Variants in ADGRL2 observed in about 807,000 individuals in gnomAD.
ADGRL2 encodes adhesion G protein-coupled receptor L2, also known as calcium-independent alpha-latrotoxin receptor 2.
In ADGRL2, 44 loss-of-function variants were observed where a neutral mutation model predicts 157.4. The observed-to-expected ratio is 0.28, with a 90% CI of 0.22 to 0.36. The LOEUF (loss-of-function observed/expected upper bound fraction) is 0.36. Ranked by LOEUF, ADGRL2 falls within the 10% of genes least tolerant of loss-of-function variation. ADGRL2 has a pLI of 1.00. For synonymous variants in ADGRL2, 585 were observed against 624.7 expected (o/e 0.94, Z 0.95); for missense variants, 1,510 against 1,768.9 (o/e 0.85, Z 2.63).
intron 3 of ADGRL2, among the ~76,000 whole-genome samples, chr1:81,686,100 T>G (rs1429783284): frequency 6.6e-6 from 1 of 152,226 alleles, no homozygotes; most frequent in Non-Finnish European, 1.5e-5. Context: ...TAGTTTTCTT[T>G]TTTGGTTGTG....
chr1:81,409,059 A>G (rs889198406), intron 1 of ADGRL2, among the ~76,000 whole-genome samples: 1 of 152,184 alleles, frequency 6.6e-6, no homozygotes, highest in Admixed American at 6.5e-5. Flanking sequence ...CTTGTGTTAA[A>G]ATATAGCACA....
chr1:81,645,849 A>G (rs1181437915), intron 3 of ADGRL2, among the ~76,000 whole-genome samples: 2 of 152,050 alleles, frequency 1.3e-5, no homozygotes, highest in Non-Finnish European at 2.9e-5. Context: ...CTTTGGTCAT[A>G]TGTATGACTC....
intron 2 of ADGRL2, among the ~76,000 whole-genome samples, chr1:81,466,586 A>C (rs529536786): frequency 7.2e-5 from 11 of 152,292 alleles, no homozygotes; most frequent in Admixed American, 2.6e-4. Flanking sequence ...CTCAAACTAA[A>C]CCTAGCAACT....
At chr1:81,425,483 T>C (rs1429548460) in intron 1 of ADGRL2, among the ~76,000 whole-genome samples, 1 of 152,128 alleles carries the variant, frequency 6.6e-6, no homozygotes, top group African/African-American at 2.4e-5. Flanking sequence ...GGAAAAAATA[T>C]GTACCAAAAT....
chr1:81,421,673 AC>A (rs966038900), intron 1 of ADGRL2, among the ~76,000 whole-genome samples: 4 of 151,186 alleles, frequency 2.6e-5, no homozygotes, highest in African/African-American at 4.9e-5. Context: ...ACTGAAGGTA[AC>A]CACACAACAT....
intron 2 of ADGRL2, among the ~76,000 whole-genome samples, chr1:81,455,863 CAT>C (rs1406805662): frequency 1.3e-5 from 2 of 152,090 alleles, no homozygotes; most frequent in Admixed American, 6.5e-5. Flanking sequence ...AGGATGAGGT[CAT>C]AGTGAAATAT....
chr1:81,377,935 C>T (rs187756081), intron 1 of ADGRL2, among the ~76,000 whole-genome samples: 95 of 152,248 alleles, frequency 6.2e-4, no homozygotes, highest in African/African-American at 2.2e-3. Flanking sequence ...AATCCCAACA[C>T]TTTGGGAGGC....
intron 3 of ADGRL2, among the ~76,000 whole-genome samples, chr1:81,691,714 G>T (rs2083337971): frequency 6.6e-6 from 1 of 151,690 alleles, no homozygotes; most frequent in African/African-American, 2.4e-5. Context: ...GGTCAGGCTG[G>T]TCTTGAGCTC....
chr1:81,598,306 A>C (rs1400253230), intron 3 of ADGRL2, among the ~76,000 whole-genome samples: 1 of 152,202 alleles, frequency 6.6e-6, no homozygotes, highest in Admixed American at 6.5e-5. Flanking sequence ...GTTTGGGTAG[A>C]TTCCTGGATA....
At chr1:81,752,263 T>C (rs948619926) in intron 1 of ADGRL2, among the ~76,000 whole-genome samples, 2 of 152,186 alleles carry the variant, frequency 1.3e-5, no homozygotes, top group Non-Finnish European at 2.9e-5. Flanking sequence ...GTGCAGGCAA[T>C]TGATCTTGGA....
At chr1:81,503,301 C>T (rs2078895961) in intron 2 of ADGRL2, 3 of 1,614,204 alleles carry the variant, frequency 1.9e-6, no homozygotes, top group South Asian at 2.2e-5. Context: ...GCACCACCTA[C>T]GCAGGTGTGC....
chr1:81,843,352 C>T (rs2092671854), intron 2 of ADGRL2, among the ~76,000 whole-genome samples: 2 of 152,122 alleles, frequency 1.3e-5, no homozygotes, highest in Admixed American at 6.6e-5. Flanking sequence ...AGGCTGGTCT[C>T]AAACTCCTGA....
chr1:81,388,582 C>T (rs1358405885), intron 1 of ADGRL2, among the ~76,000 whole-genome samples: 1 of 152,046 alleles, frequency 6.6e-6, no homozygotes, highest in African/African-American at 2.4e-5. Context: ...GTGGTGGAGA[C>T]TTGGGAGGTG....
intron 2 of ADGRL2, among the ~76,000 whole-genome samples, chr1:81,857,265 C>G (rs566562536): frequency 6.6e-6 from 1 of 152,194 alleles, no homozygotes; most frequent in Admixed American, 6.5e-5. Flanking sequence ...TAATGGAAAT[C>G]CATTTTTATT....
chr1:81,896,724 C>T (rs1328377256), intron 2 of ADGRL2, among the ~76,000 whole-genome samples: 1 of 152,124 alleles, frequency 6.6e-6, no homozygotes, highest in Non-Finnish European at 1.5e-5. Context: ...AAAATGCCTA[C>T]TGTGTCCCTG....
At chr1:81,617,061 A>AT (rs1390695890) in intron 3 of ADGRL2, among the ~76,000 whole-genome samples, 2 of 152,146 alleles carry the variant, frequency 1.3e-5, no homozygotes, top group African/African-American at 4.8e-5. Flanking sequence ...TACATAGTCT[A>AT]TATCAGAGGT....
intron 1 of ADGRL2, among the ~76,000 whole-genome samples, chr1:81,338,987 G>T (rs1389032202): frequency 6.6e-6 from 1 of 152,086 alleles, no homozygotes; most frequent in Admixed American, 6.6e-5. Flanking sequence ...TCTTTCATCT[G>T]CCTTGTGGCA....
chr1:81,368,315 C>A (rs2076102097), intron 1 of ADGRL2, among the ~76,000 whole-genome samples: 1 of 152,158 alleles, frequency 6.6e-6, no homozygotes, highest in South Asian at 2.1e-4. Context: ...TTGTTGGCTG[C>A]ATAAATGTCT....
chr1:81,842,879 G>T (rs974815558), intron 2 of ADGRL2, among the ~76,000 whole-genome samples: 1 of 152,008 alleles, frequency 6.6e-6, no homozygotes, highest in African/African-American at 2.4e-5. Context: ...TTACTGTGGG[G>T]ATTTCAGATT....
Sources: allele counts gnomAD v4.1 joint callset (sites outside exome capture counted in the v4.1 genomes callset), GRCh38; gene constraint gnomAD v4.1.1; transcripts MANE v1.5; gene names NCBI Gene and HGNC (gene_info 2026-07-23, HGNC 2026-07-21).